The following MED12L variants were observed in gnomAD, a reference collection of about 807,000 sequenced individuals.
The protein encoded by MED12L is mediator complex subunit 12L.
Under a neutral mutation model 281.3 loss-of-function variants are expected in MED12L, and 60 were observed. That is an observed-to-expected ratio of 0.21 (90% CI 0.17 to 0.26). MED12L has a LOEUF of 0.26. Among genes scored for constraint, MED12L ranks in the 10% least tolerant of loss-of-function variants. MED12L has a pLI of 1.00. For missense variants in MED12L, 2,146 were observed against 2,680.9 expected, an observed-to-expected ratio of 0.80 and a Z score of 4.41; for synonymous variants, 974 against 987.2, an observed-to-expected ratio of 0.99 and a Z score of 0.25.
chr3:151,286,743 C>T (rs1009345706), intron 16 of MED12L, among the ~76,000 whole-genome samples: 1 of 152,176 alleles, frequency 6.6e-6, no homozygotes, highest in African/African-American at 2.4e-5. Context: ...CCTACACAGT[C>T]CCAGTTGAAA....
intron 11 of MED12L, among the ~76,000 whole-genome samples, chr3:151,169,084 G>T (rs568429055): frequency 6.6e-6 from 1 of 150,896 alleles, no homozygotes; most frequent in African/African-American, 2.4e-5. Context: ...CCTTAACAGG[G>T]GTTACTGTTT....
At chr3:151,216,866 G>A (rs1158456482) in intron 16 of MED12L, among the ~76,000 whole-genome samples, 2 of 152,160 alleles carry the variant, frequency 1.3e-5, no homozygotes, top group Non-Finnish European at 2.9e-5. Context: ...TCTGGTAACT[G>A]TCTCTTGACA....
In MED12L at chr3:151,376,030, G is replaced by T; in HGVS notation, c.3869G>T (p.Trp1290Leu). ...TAATTGCCATATTATTTTTAGGAATGGGTAGGAGAGCATTGCTTAAAAGAA... is the reference window on the plus strand; with the variant it reads ...TAATTGCCATATTATTTTTAGGAATTGGTAGGAGAGCATTGCTTAAAAGAA... ...YVLRTICQQE[W>L]VGEHCLKEPE... Residue 1290 changes from tryptophan to leucine, a missense_variant, in exon 28 of 45, where the codon TGG (tryptophan) becomes TTG (leucine). Around this residue, in one of 9 missense-constraint regions of MED12L, gnomAD observed 235 missense variants for 260.3 expected, o/e 0.90. Transcript: ENST00000687756. 6.4e-7 allele frequency: 1 copy of T among 1,571,808 alleles called. No homozygotes were observed. The highest frequency in any genetic ancestry group is 1.2e-5 in the South Asian group (1 of 84,128).
In MED12L at chr3:151,376,202, G is replaced by A. The variant is rs1165028138; in HGVS notation, c.4041G>A (p.Lys1347=). 6.3e-7 allele frequency: 1 copy of A among 1,585,602 alleles called. No individual in the cohort carries two copies. Among genetic ancestry groups the A allele is most frequent in the Admixed American group, 1.8e-5 (1 of 54,266 alleles). The change falls in exon 28 of 45, where the codon AAG becomes AAA. Residue 1347 remains lysine (K), a synonymous_variant. Transcript: ENST00000687756. ...ACAATCTGCAAAGACAGCACATTAA[G>A]CGTATTCTTCAGGTCAGTCGTATAC... ...EGDNLQRQHI[K]RILQNLEQWT...
chr3:151,399,981 C>T (rs1715465031), intron 39 of MED12L, among the ~76,000 whole-genome samples: 1 of 152,196 alleles, frequency 6.6e-6, no homozygotes, highest in Admixed American at 6.5e-5. Flanking sequence ...CATGCACCAC[C>T]CCGCCTGGCT....
chr3:151,246,065 G>A (rs1435653410), intron 16 of MED12L, among the ~76,000 whole-genome samples: 5 of 151,730 alleles, frequency 3.3e-5, no homozygotes, highest in Non-Finnish European at 7.4e-5. Flanking sequence ...ACTTACAAGG[G>A]ATGTGAAGGA....
intron 11 of MED12L, among the ~76,000 whole-genome samples, chr3:151,175,935 T>C (rs1721988038): frequency 6.6e-6 from 1 of 152,258 alleles, no homozygotes; most frequent in Non-Finnish European, 1.5e-5. Context: ...TAAACAATGC[T>C]GTTATTTGAA....
At chr3:151,159,657 C>T (rs908083320) in intron 7 of MED12L, among the ~76,000 whole-genome samples, 175 bp from the exon 8 acceptor site, 6 of 152,010 alleles carry the variant, frequency 3.9e-5, no homozygotes, top group Middle Eastern at 3.2e-3. Context: ...TTCATGGCTC[C>T]TAGAAACTTT....
chr3:151,380,201 T>A lies in MED12L; in HGVS notation c.4567T>A (p.Ser1523Thr). ...TGAACAAAGGGAAGGCCTCCTAACA[T>A]CTCTCCAGAATCAAGTTAACCAGGT... ...QDEQREGLLT[S>T]LQNQVNQILS... The change falls in exon 32 of 45, where the codon TCT becomes ACT. Residue 1523 changes from serine (S) to threonine (T), a missense_variant. By Grantham distance (58) the Ser-to-Thr change is moderately conservative (BLOSUM62 1). This residue lies in a region of MED12L where 212 missense variants were observed against 340.8 expected (regional missense o/e 0.62). Coordinates refer to ENST00000687756, the MANE Select transcript of MED12L (RefSeq NM_001393769.1). 6.2e-7 allele frequency: 1 copy of A among 1,606,900 alleles called. No individual in the cohort carries two copies.
chr3:151,261,435 A>G (rs1428149461), intron 16 of MED12L: 1 of 152,116 alleles, frequency 6.6e-6, no homozygotes, highest in Non-Finnish European at 1.5e-5. Context: ...TTGCTAGGTA[A>G]TTCCTGGGTA....
At chr3:151,266,940 T>G (rs1739948238) in intron 16 of MED12L, among the ~76,000 whole-genome samples, 1 of 152,230 alleles carries the variant, frequency 6.6e-6, no homozygotes, top group Admixed American at 6.5e-5. Context: ...CATTCTGTCC[T>G]GGAGTGTTTT....
intron 21 of MED12L, among the ~76,000 whole-genome samples, chr3:151,364,258 C>T (rs959397077): frequency 6.6e-6 from 1 of 152,204 alleles, no homozygotes; most frequent in Non-Finnish European, 1.5e-5. Context: ...TCCTGTTATA[C>T]TTCTAGTAGT....
At chr3:151,294,605 A>C in intron 16 of MED12L, 1 of 1,614,128 alleles carries the variant, frequency 6.2e-7, no homozygotes, top group Non-Finnish European at 8.5e-7. Flanking sequence ...GGCCACAAAC[A>C]AGCAGCTGTT....
chr3:151,395,715 C>T (rs1047677610), intron 39 of MED12L, among the ~76,000 whole-genome samples: 1 of 152,170 alleles, frequency 6.6e-6, no homozygotes, highest in African/African-American at 2.4e-5. Context: ...CTTAAGATAC[C>T]AGGGTAACTC....
Position 151,127,818 on chromosome 3 carries a change from T to A in MED12L, c.397-7T>A, listed in dbSNP as rs779136588. On this transcript the variant is annotated splice_region_variant and splice_polypyrimidine_tract_variant and intron_variant, in intron 4 of 44. Transcript: ENST00000687756. ...TATTATAAATATACTATGTTGTTTC[T>A]TTTTAGGTTCCTATCCTTAGTAAAA... is the stretch of plus-strand genomic sequence containing the variant. The A allele has an allele frequency of 4.4e-6, 7 of 1,578,946 alleles. No individual in the cohort carries two copies. In the South Asian group the frequency reaches 5.6e-5, roughly 13 times the overall value.
intron 16 of MED12L, among the ~76,000 whole-genome samples, chr3:151,280,201 G>A (rs1026182516): frequency 5.9e-5 from 9 of 152,230 alleles, no homozygotes; most frequent in Non-Finnish European, 1.0e-4. Flanking sequence ...AGTAGAGGGA[G>A]TATGGAGAAA....
intron 16 of MED12L, 76 bp from the exon 17 acceptor site, chr3:151,349,983 C>G: frequency 7.2e-7 from 1 of 1,396,306 alleles, no homozygotes; most frequent in Non-Finnish European, 9.9e-7. Flanking sequence ...GTGCTGTGGT[C>G]AGTGCATTTC....
chr3:151,195,251 GTTATTTAT>G (rs1014678814), intron 16 of MED12L, among the ~76,000 whole-genome samples: 2 of 152,084 alleles, frequency 1.3e-5, no homozygotes, highest in African/African-American at 2.4e-5. Context: ...ATTCTGTTAA[GTTATTTAT>G]TTATTTATTT....
At chr3:151,306,507 A>C (rs1746677849) in intron 16 of MED12L, among the ~76,000 whole-genome samples, 1 of 152,202 alleles carries the variant, frequency 6.6e-6, no homozygotes, top group Non-Finnish European at 1.5e-5. Context: ...GTTGTGTTGG[A>C]TGCCCAAACA....
Sources: allele counts gnomAD v4.1 joint callset (sites outside exome capture counted in the v4.1 genomes callset), GRCh38; gene constraint gnomAD v4.1.1; regional missense constraint gnomAD v4.1.1; transcripts MANE v1.5; gene names NCBI Gene and HGNC (gene_info 2026-07-23, HGNC 2026-07-21).